Variants in FGGY observed in about 807,000 individuals in gnomAD.
The protein encoded by FGGY is FGGY carbohydrate kinase domain-containing protein.
A neutral mutation model predicts 71.3 loss-of-function variants in FGGY; 72 were observed. The observed-to-expected ratio is 1.01, with a 90% CI of 0.84 to 1.23. FGGY has a LOEUF of 1.23. Among genes scored for constraint, FGGY ranks in the 50% most tolerant of loss-of-function variants. The pLI, the probability that FGGY is intolerant of heterozygous loss-of-function variation, is 0.00. For missense variants in FGGY, 668 were observed against 682.3 expected, an observed-to-expected ratio of 0.98 and a Z score of 0.23; for synonymous variants, 251 against 250.3, an observed-to-expected ratio of 1.00 and a Z score of -0.02.
intron 4 of FGGY, among the ~76,000 whole-genome samples, chr1:59,347,821 A>C (rs1175541122): frequency 6.6e-6 from 1 of 152,226 alleles, no homozygotes; most frequent in Non-Finnish European, 1.5e-5. Context: ...TGGATTAAAG[A>C]CTTAAATGTT....
intron 11 of FGGY, among the ~76,000 whole-genome samples, chr1:59,657,979 C>T (rs2097237312): frequency 6.6e-6 from 1 of 152,128 alleles, no homozygotes; most frequent in Non-Finnish European, 1.5e-5. Context: ...TAGAATTTAA[C>T]AAAGAAGGAT....
chr1:59,529,785 G>A (rs1237001790), intron 7 of FGGY, among the ~76,000 whole-genome samples: 4 of 152,142 alleles, frequency 2.6e-5, no homozygotes, highest in Admixed American at 2.6e-4. Context: ...ACAATAGTTG[G>A]GGGAAAAGGC....
intron 6 of FGGY, among the ~76,000 whole-genome samples, chr1:59,484,064 A>T (rs569397363): frequency 1.3e-5 from 2 of 152,292 alleles, no homozygotes; most frequent in Middle Eastern, 6.8e-3. Context: ...GTAACCAATG[A>T]GGTACAGGTA....
At chr1:59,534,605 G>A (rs1194651007) in intron 7 of FGGY, among the ~76,000 whole-genome samples, 3 of 152,154 alleles carry the variant, frequency 2.0e-5, no homozygotes, top group South Asian at 2.1e-4. Context: ...TCCTCAAAGG[G>A]AAGCCCATCA....
intron 6 of FGGY, among the ~76,000 whole-genome samples, chr1:59,461,948 G>T (rs994830070): frequency 1.5e-4 from 23 of 151,884 alleles, no homozygotes; most frequent in Non-Finnish European, 3.1e-4. Flanking sequence ...TTAGCATTAG[G>T]TATATCTCCT....
In FGGY at chr1:59,300,233, T is replaced by C. The variant is rs577477437; in HGVS notation, c.-15+3083T>C. Among the ~76,000 whole-genome samples, 551 of 152,296 alleles carry C rather than the reference T, an allele frequency of 3.6e-3. 1 individual carries two copies. Among genetic ancestry groups the C allele is most frequent in the Non-Finnish European group, 5.8e-3 (394 of 68,000 alleles). On this transcript the variant is annotated intron_variant, in intron 1 of 15. Coordinates refer to ENST00000303721, the MANE Select transcript of FGGY (RefSeq NM_018291.5). ...AACCATCATGACCATCAAAAGAACA[T>C]ACCTAATAACCCCAAAGATTGCTTG...
intron 13 of FGGY, 88 bp from the exon 14 acceptor site, chr1:59,673,951 A>G (rs530796714): frequency 9.6e-7 from 1 of 1,038,016 alleles, no homozygotes; most frequent in Admixed American, 2.0e-5. Context: ...CCCTGATGTC[A>G]GGTGTTTTTG....
intron 12 of FGGY, 123 bp downstream of exon 12, chr1:59,660,416 A>G (rs1273527196): frequency 2.9e-6 from 2 of 680,058 alleles, no homozygotes; most frequent in African/African-American, 3.6e-5. Context: ...GATTGTTTGC[A>G]AAAAAGAGAT....
chr1:59,408,929 A>C (rs1431664388), intron 5 of FGGY, among the ~76,000 whole-genome samples: 3 of 152,130 alleles, frequency 2.0e-5, no homozygotes, highest in Non-Finnish European at 2.9e-5. Context: ...AGATCTATGA[A>C]GTGTTTGCTT....
intron 7 of FGGY, among the ~76,000 whole-genome samples, chr1:59,532,367 G>T (rs974874601): frequency 1.3e-5 from 2 of 152,190 alleles, no homozygotes; most frequent in Admixed American, 6.5e-5. Flanking sequence ...GATATATGGA[G>T]CATGGTAAAG....
chr1:59,556,758 T>C (rs2095692999), intron 8 of FGGY, among the ~76,000 whole-genome samples: 1 of 152,208 alleles, frequency 6.6e-6, no homozygotes, highest in Non-Finnish European at 1.5e-5. Context: ...GGTTTGTACC[T>C]AGCACACAGC....
intron 12 of FGGY, among the ~76,000 whole-genome samples, chr1:59,664,786 TTA>T (rs1172348015): frequency 1.3e-5 from 2 of 152,248 alleles, no homozygotes; most frequent in African/African-American, 2.4e-5. Flanking sequence ...TCTACAAGTT[TTA>T]CCTTTGCTGC....
At chr1:59,601,072 G>A (rs907028819) in intron 8 of FGGY, among the ~76,000 whole-genome samples, 9 of 148,490 alleles carry the variant, frequency 6.1e-5, no homozygotes, top group African/African-American at 1.8e-4. Flanking sequence ...CGATAGCACC[G>A]TCCATTTGGA....
intron 14 of FGGY, among the ~76,000 whole-genome samples, chr1:59,687,308 G>A (rs536807677): frequency 3.9e-5 from 6 of 152,146 alleles, no homozygotes; most frequent in Non-Finnish European, 8.8e-5. Flanking sequence ...TTTGGTTTCC[G>A]TTCTATACTG....
chr1:59,589,541 A>G (rs762708640), intron 8 of FGGY, among the ~76,000 whole-genome samples: 21 of 152,224 alleles, frequency 1.4e-4, no homozygotes, highest in Non-Finnish European at 2.6e-4. Flanking sequence ...TTGGAAGTAA[A>G]GCTCTCCTGA....
intron 1 of FGGY, among the ~76,000 whole-genome samples, chr1:59,306,258 G>A (rs2043422749): frequency 6.6e-6 from 1 of 152,172 alleles, no homozygotes. Flanking sequence ...AAAGATGTGA[G>A]GAGGGGATTT....
intron 9 of FGGY, 139 bp downstream of exon 9, chr1:59,608,049 C>G: frequency 1.6e-6 from 1 of 631,624 alleles, no homozygotes; most frequent in South Asian, 2.0e-5. Context: ...TAGTGCACAG[C>G]CTAACATGTC....
At chr1:59,661,380 A>T (rs1254554220) in intron 12 of FGGY, among the ~76,000 whole-genome samples, 1 of 152,250 alleles carries the variant, frequency 6.6e-6, no homozygotes. Flanking sequence ...GCAACTACAT[A>T]GAAGTATGGA....
rs555168717 is a variant in FGGY at position 59,684,691 on chromosome 1, G to C, written c.1512+10558G>C. The stretch of plus-strand genomic sequence containing the variant: ...AGTGAGCTGAGTCCATCACAGGCTG[G>C]GTAAGATGAAATCAAATGGAGCAGC... On this transcript the variant is annotated intron_variant, in intron 14 of 15. Coordinates refer to ENST00000303721, the MANE Select transcript of FGGY (RefSeq NM_018291.5). Among the ~76,000 whole-genome samples, 359 of 152,276 alleles carry C rather than the reference G, an allele frequency of 2.4e-3. 19 individuals carry two copies. In the South Asian group the frequency reaches 0.071, roughly 30 times the overall value.
Sources: allele counts gnomAD v4.1 joint callset (sites outside exome capture counted in the v4.1 genomes callset), GRCh38; gene constraint gnomAD v4.1.1; transcripts MANE v1.5; gene names NCBI Gene and HGNC (gene_info 2026-07-23, HGNC 2026-07-21).